Variants in SUSD6 observed in about 807,000 individuals in gnomAD.
SUSD6 encodes the protein sushi domain-containing protein 6.
In SUSD6, 16 loss-of-function variants were observed where a neutral mutation model predicts 28.4. The observed-to-expected ratio is 0.56, with a 90% confidence interval of 0.38 to 0.86. The LOEUF is 0.86. Among genes scored for constraint, SUSD6 ranks in the 40% least tolerant of loss-of-function variants. The pLI, the probability that SUSD6 is intolerant of heterozygous loss-of-function variation, is 0.00. For synonymous variants in SUSD6, 147 were observed against 159.6 expected, an observed-to-expected ratio of 0.92 and a Z score of 0.59; for missense variants, 341 against 384.2, an observed-to-expected ratio of 0.89 and a Z score of 0.94.
At chr14:69,677,988 C>G (rs1161637415) in intron 2 of SUSD6, among the ~76,000 whole-genome samples, 1 of 152,176 alleles carries the variant, frequency 6.6e-6, no homozygotes, top group Non-Finnish European at 1.5e-5. Flanking sequence ...TGCTTCAGAC[C>G]TTTTCCTCCA....
intron 2 of SUSD6, among the ~76,000 whole-genome samples, chr14:69,666,701 T>A (rs1885746719): frequency 6.6e-6 from 1 of 152,194 alleles, no homozygotes; most frequent in Non-Finnish European, 1.5e-5. Flanking sequence ...CTTCTTTGAC[T>A]TATTAGCTTT....
At position 69,621,723 on chromosome 14, in the gene SUSD6, C is replaced by T. The variant is rs568342315; in HGVS notation, c.-81+9895C>T. Among the ~76,000 whole-genome samples the T allele has an allele frequency of 5.3e-5, 8 of 152,296 alleles. No homozygotes were observed. The East Asian group carries it at 1.5e-3, about 29-fold the overall frequency. ...AGGTTGCAGGCAAGGAAGTAGTTAA[C>T]ACTTTTCTCTTTGTTCTCCACAATT... On this transcript the variant is annotated intron_variant, in intron 1 of 5. Coordinates refer to ENST00000342745, the MANE Select transcript of SUSD6 (RefSeq NM_014734.4).
At chr14:69,671,466 A>C (rs1885830772) in intron 2 of SUSD6, among the ~76,000 whole-genome samples, 2 of 152,204 alleles carry the variant, frequency 1.3e-5, no homozygotes, top group Admixed American at 1.3e-4. Flanking sequence ...GCCTCAGTTC[A>C]GCCAACTCGT....
At position 69,714,152 on chromosome 14, in the gene SUSD6, G is replaced by C. The variant is rs1886511954; in HGVS notation, c.*3173G>C. ...AATACAAGCACTCCATTTGCAAACA[G>C]ATCTTAAGCTAATATTTTCTTTCCC... On this transcript the variant is annotated 3_prime_UTR_variant, in exon 6 of 6. Coordinates refer to ENST00000342745, the MANE Select transcript of SUSD6 (RefSeq NM_014734.4). The C allele has an allele frequency of 6.6e-6, 1 of 152,172 alleles. No homozygotes were observed. Among genetic ancestry groups the C allele is most frequent in the Non-Finnish European group, 1.5e-5 (1 of 68,034 alleles). The allele number at this position is 152,172 out of a possible 1,614,324, so 9.4% of individuals were successfully genotyped here. A position where few individuals can be genotyped will look rare whatever the true frequency, so the allele number is the denominator to read the frequency against.
At chr14:69,628,121 C>T (rs997858330) in intron 1 of SUSD6, among the ~76,000 whole-genome samples, 5 of 151,788 alleles carry the variant, frequency 3.3e-5, no homozygotes, top group Non-Finnish European at 5.9e-5. Context: ...TTAGTAGAGA[C>T]GGGGTTTCAC....
At chr14:69,669,135 C>G (rs1386270154) in intron 2 of SUSD6, among the ~76,000 whole-genome samples, 1 of 139,788 alleles carries the variant, frequency 7.2e-6, no homozygotes, top group Non-Finnish European at 1.5e-5. Context: ...GCGATCTCGG[C>G]TCACTGCAAC....
chr14:69,702,706 G>A (rs920362872), intron 2 of SUSD6, among the ~76,000 whole-genome samples: 3 of 152,316 alleles, frequency 2.0e-5, no homozygotes, highest in Admixed American at 2.0e-4. Flanking sequence ...AACTTTTGTG[G>A]CCCTCAGTGT....
chr14:69,664,577 G>A (rs1885711227), intron 2 of SUSD6, among the ~76,000 whole-genome samples: 1 of 152,172 alleles, frequency 6.6e-6, no homozygotes, highest in Admixed American at 6.5e-5. Flanking sequence ...ATGAACCCTA[G>A]TGTCATGAAA....
At chr14:69,619,598 G>GA (rs10554011) in intron 1 of SUSD6, among the ~76,000 whole-genome samples, 7,397 of 118,792 alleles carry the variant, frequency 0.062, 414 homozygotes, top group African/African-American at 0.16. Flanking sequence ...CATCTCTACA[G>GA]AAAAAAAAAA....
chr14:69,688,610 C>T (rs1160194309), intron 2 of SUSD6, among the ~76,000 whole-genome samples: 1 of 152,184 alleles, frequency 6.6e-6, no homozygotes, highest in East Asian at 1.9e-4. Context: ...CCCTTTAGTT[C>T]TTTCCTGTCC....
At chr14:69,617,850 G>A (rs1884981374) in intron 1 of SUSD6, among the ~76,000 whole-genome samples, 1 of 152,212 alleles carries the variant, frequency 6.6e-6, no homozygotes. Flanking sequence ...CAGCCAGCAA[G>A]GTAGGGAGGA....
At chr14:69,691,882 T>C (rs1886157654) in intron 2 of SUSD6, among the ~76,000 whole-genome samples, 2 of 151,652 alleles carry the variant, frequency 1.3e-5, no homozygotes, top group African/African-American at 4.9e-5. Context: ...CTACCGAAAA[T>C]ACAAAAATTA....
At chr14:69,680,595 G>A (rs920792018) in intron 2 of SUSD6, among the ~76,000 whole-genome samples, 6 of 152,054 alleles carry the variant, frequency 3.9e-5, no homozygotes, top group Admixed American at 1.3e-4. Context: ...ATTCTTCTTA[G>A]CAATATAACC....
At chr14:69,678,805 A>G (rs1216225742) in intron 2 of SUSD6, among the ~76,000 whole-genome samples, 1 of 152,194 alleles carries the variant, frequency 6.6e-6, no homozygotes, top group Non-Finnish European at 1.5e-5. Context: ...CCTATCTCAG[A>G]AAAAGAAAAA....
In SUSD6 at chr14:69,714,872, T is replaced by TG; in HGVS notation, c.*3893_*3894insG. Reference sequence around the variant, plus strand: ...GTCCCCACACCCTGCCCTGGCTTCTTCAGGTTATCGCACCACTATGGAATC... The same window carrying TG: ...GTCCCCACACCCTGCCCTGGCTTCTTGCAGGTTATCGCACCACTATGGAATC... On this transcript the variant is annotated 3_prime_UTR_variant, in exon 6 of 6. Transcript: ENST00000342745. 6.6e-6 allele frequency: 1 copy of TG among 152,286 alleles called. No homozygotes were observed. Among genetic ancestry groups the TG allele is most frequent in the Admixed American group, 6.5e-5 (1 of 15,296 alleles). The allele number at this position is 152,286 out of a possible 1,614,324, so 9.4% of individuals were successfully genotyped here.
chr14:69,680,561 C>G (rs1015383110), intron 2 of SUSD6, among the ~76,000 whole-genome samples: 2 of 152,142 alleles, frequency 1.3e-5, no homozygotes, highest in East Asian at 3.9e-4. Context: ...AACTCAGGGT[C>G]CCATAAGACT....
At position 69,708,775 on chromosome 14, in the gene SUSD6, G is replaced by A. The variant is rs940250545; in HGVS notation, c.557G>A (p.Gly186Asp). The stretch of plus-strand genomic sequence containing the variant: ...GAGGAGGCTGTATATGGCAGTTCTG[G>A]TCACTGTGTGCCACCTGCTGACCCC... ...SYEEAVYGSS[G>D]HCVPPADPRV... Residue 186 changes from glycine (G) to aspartate (D), a missense_variant, in exon 5 of 6, where the codon GGT becomes GAT. Transcript: ENST00000342745. The A allele has an allele frequency of 6.2e-7, 1 of 1,614,046 alleles. No homozygotes were observed. The highest frequency in any genetic ancestry group is 8.5e-7 in the Non-Finnish European group (1 of 1,180,044).
chr14:69,657,836 CTT>C (rs1265884366), intron 1 of SUSD6, among the ~76,000 whole-genome samples: 7 of 152,152 alleles, frequency 4.6e-5, no homozygotes, highest in Admixed American at 1.3e-4. Context: ...TTTCTGAAGT[CTT>C]TGTCTGAACT....
rs761445736 is a variant in SUSD6, at chr14:69,658,737, G to A, written c.121+24G>A. On this transcript the variant is annotated intron_variant, in intron 2 of 5. Transcript: ENST00000342745. ...CGGTAAGTCCTGACCTGCCTTCTGT[G>A]TGTGGGTGGGAAAATATTTAATACC... 2.5e-6 allele frequency: 4 copies of A among 1,613,774 alleles called. No homozygotes were observed. In the South Asian group the frequency reaches 3.3e-5, roughly 13 times the overall value.
Sources: gnomAD v4.1 joint callset for allele counts (sites outside exome capture counted in the v4.1 genomes callset) on GRCh38, gnomAD v4.1.1 for gene constraint, MANE v1.5 for transcripts, NCBI Gene and HGNC (gene_info 2026-07-23, HGNC 2026-07-21) for gene names.